STAT6: variants seen among roughly 807,000 people sequenced by gnomAD.
The protein encoded by STAT6 is signal transducer and activator of transcription 6.
In STAT6, 45 loss-of-function variants were observed where a neutral mutation model predicts 106.3. That is an observed-to-expected ratio of 0.42 (90% CI 0.33 to 0.54). The LOEUF (loss-of-function observed/expected upper bound fraction) is 0.54, where lower values mean the gene tolerates loss of function less well. STAT6 is among the 20% of genes least tolerant of loss of function. The pLI is 0.06. For missense variants in STAT6, 797 were observed against 1,062.2 expected (o/e 0.75, Z 3.47); for synonymous variants, 413 against 413.6 (o/e 1.00, Z 0.02).
Position 57,107,598 on chromosome 12 carries a change from G to T in STAT6, c.255+7C>A. 6.2e-7 allele frequency: 1 copy of T among 1,611,098 alleles called. No homozygotes were observed. The highest frequency in any genetic ancestry group is 1.3e-5 in the African/African-American group (1 of 74,484). ...ACCCAGCCTTGTCCCCTCCCCTCCTGCCCCACCTCAAGGGTGCTGATGTGT... is the reference window on the plus strand; with the variant it reads ...ACCCAGCCTTGTCCCCTCCCCTCCTTCCCCACCTCAAGGGTGCTGATGTGT... On this transcript the variant is annotated splice_region_variant and intron_variant, in intron 3 of 21. Coordinates refer to ENST00000300134, the MANE Select transcript of STAT6 (RefSeq NM_003153.5).
rs2033674912 is a variant in STAT6 at position 57,099,470 on chromosome 12, T to G, written c.1745-30A>C. ...GGTAGGAAGGAGACCCTGAGATCCCTCTGTCCGGACTTTCTTCCCCTTCCC... is the reference window on the plus strand; with the variant it reads ...GGTAGGAAGGAGACCCTGAGATCCCGCTGTCCGGACTTTCTTCCCCTTCCC... On this transcript the variant is annotated intron_variant, in intron 15 of 21. Transcript: ENST00000300134. The surrounding 1 kb of genome is among the most constrained non-coding windows in gnomAD (Gnocchi z 4.7). 3.1e-6 allele frequency: 5 copies of G among 1,613,782 alleles called. No individual in the cohort carries two copies. Among genetic ancestry groups the G allele is most frequent in the Admixed American group, 3.3e-5 (2 of 60,000 alleles).
rs1677794250 is a variant in STAT6 at position 57,099,638 on chromosome 12, G to A, written c.1744+129C>T. 2 of 1,441,752 alleles carry A rather than the reference G, an allele frequency of 1.4e-6. No individual in the cohort carries two copies. The highest frequency in any genetic ancestry group is 2.6e-5 in the South Asian group (2 of 76,056). The allele number at this position is 1,441,752 out of a possible 1,614,324, so 89.3% of individuals were successfully genotyped here. A position where few individuals can be genotyped will look rare whatever the true frequency, so the allele number is the denominator to read the frequency against. Reference sequence around the variant, plus strand: ...AAGGTGAACATTTAGACCACAGAAGGAAGAAGAGAAGCTGGAAGAACTTCC... The same window carrying A: ...AAGGTGAACATTTAGACCACAGAAGAAAGAAGAGAAGCTGGAAGAACTTCC... On this transcript the variant is annotated intron_variant, in intron 15 of 21. Transcript: ENST00000300134. This position sits in a 1 kb window ranked among gnomAD's most constrained non-coding sequence, Gnocchi z 4.7.
chr12:57,098,461 C>T, intron 19 of STAT6, 44 bp downstream of exon 19: 1 of 1,582,500 alleles, frequency 6.3e-7, no homozygotes, highest in Non-Finnish European at 8.7e-7. Context: ...CAAATGCCCA[C>T]CCCCTTAGAG....
At chr12:57,104,845 C>A in intron 9 of STAT6, 32 bp from the exon 10 acceptor site, 1 of 1,612,346 alleles carries the variant, frequency 6.2e-7, no homozygotes. Flanking sequence ...TGAACGAGCT[C>A]ATCTCACTGT....
intron 4 of STAT6, among the ~76,000 whole-genome samples, 183 bp downstream of exon 4, chr12:57,107,047 TC>T (rs1322467616): frequency 6.6e-6 from 1 of 152,194 alleles, no homozygotes; most frequent in East Asian, 1.9e-4. Context: ...TTACCTTCAG[TC>T]CCTCATAGAA....
Position 57,099,111 on chromosome 12 carries a change from G to T in STAT6, c.1892-33C>A. On this transcript the variant is annotated intron_variant, in intron 16 of 21. Transcript: ENST00000300134. This position sits in a 1 kb window ranked among gnomAD's most constrained non-coding sequence, Gnocchi z 4.7. ...GAGAAGGAAAAGACAGCCATGGAGTGCTCTGGGGTTAGGGAGGAAGGGAGG... is the reference window on the plus strand; with the variant it reads ...GAGAAGGAAAAGACAGCCATGGAGTTCTCTGGGGTTAGGGAGGAAGGGAGG... 6.2e-7 allele frequency: 1 copy of T among 1,613,316 alleles called. No individual in the cohort carries two copies. The highest frequency in any genetic ancestry group is 8.5e-7 in the Non-Finnish European group (1 of 1,179,514).
rs752282492 is a variant in STAT6, at chr12:57,102,311, C to A, written c.1491G>T (p.Val497=). 5.0e-6 allele frequency: 8 copies of A among 1,614,120 alleles called. No individual in the cohort carries two copies. The highest frequency in any genetic ancestry group is 6.8e-6 in the Non-Finnish European group (8 of 1,180,024). Residue 497 remains valine (V), a synonymous_variant, in exon 13 of 22, where the codon GTG becomes GTT. Coordinates refer to ENST00000300134, the MANE Select transcript of STAT6 (RefSeq NM_003153.5). ...TGACCTTGTTGAACTGCGACCAGGA[C>A]ACAGAACGGTGCTGGAAGGCCTCCA... is the stretch of plus-strand genomic sequence containing the variant. The part of the protein sequence containing the change: ...LSMEAFQHRS[V]SWSQFNKEIL...
intron 5 of STAT6, 24 bp from the exon 6 acceptor site, chr12:57,106,604 A>ACTGAGGGTT (rs757724787): frequency 6.2e-7 from 1 of 1,614,100 alleles, no homozygotes; most frequent in Middle Eastern, 1.6e-4. Context: ...GCAGAAATCA[A>ACTGAGGGTT]GGGTGCAGAC....
rs1315034779 is a variant in STAT6, at chr12:57,099,818, C to T, written c.1693G>A (p.Asp565Asn). 1.2e-6 allele frequency: 2 copies of T among 1,614,084 alleles called. No individual in the cohort carries two copies. The highest frequency in any genetic ancestry group is 1.7e-5 in the Admixed American group (1 of 60,008). Residue 565 changes from aspartate to asparagine, a missense_variant, in exon 15 of 22, where the codon GAC (aspartate) becomes AAC (asparagine). Around this residue, in one of 4 missense-constraint regions of STAT6, gnomAD observed 222 missense variants for 354.6 expected, o/e 0.63. Coordinates refer to ENST00000300134, the MANE Select transcript of STAT6 (RefSeq NM_003153.5). The surrounding 1 kb of genome is among the most constrained non-coding windows in gnomAD (Gnocchi z 4.7). ...PDGTFLLRFSDSEIGGITIAH... is the reference protein window; with the variant it reads ...PDGTFLLRFSNSEIGGITIAH... The stretch of plus-strand genomic sequence containing the variant: ...ATGGTGATGCCCCCAATCTCTGAGT[C>T]GCTGAAGCGGAGGAGAAAGGTTCCG...
intron 13 of STAT6, among the ~76,000 whole-genome samples, chr12:57,101,094 T>C (rs1360332343): frequency 6.6e-6 from 1 of 151,738 alleles, no homozygotes; most frequent in Non-Finnish European, 1.5e-5. Context: ...TCTTTCTTTC[T>C]TTCTTTTTTT....
chr12:57,100,673 AAAG>A (rs1248914950), intron 13 of STAT6, among the ~76,000 whole-genome samples: 17 of 67,058 alleles, frequency 2.5e-4, no homozygotes, highest in African/African-American at 1.0e-3. Context: ...AGAAAGAAAG[AAAG>A]AAAGAAAGAA....
At chr12:57,104,679 A>T in intron 10 of STAT6, 47 bp downstream of exon 10, 1 of 1,613,702 alleles carries the variant, frequency 6.2e-7, no homozygotes, top group Non-Finnish European at 8.5e-7. Flanking sequence ...GGAGAGTCCC[A>T]CAGTCTCCTA....
Position 57,095,684 on chromosome 12 carries a change from C to CA in STAT6, c.*887dup. 6.6e-6 allele frequency: 1 copy of CA among 152,372 alleles called. No homozygotes were observed. Among genetic ancestry groups the CA allele is most frequent in the East Asian group, 1.9e-4 (1 of 5,184 alleles). The allele number at this position is 152,372 out of a possible 1,614,324, so 9.4% of individuals were successfully genotyped here. On this transcript the variant is annotated 3_prime_UTR_variant, in exon 22 of 22. Coordinates refer to ENST00000300134, the MANE Select transcript of STAT6 (RefSeq NM_003153.5). ...CGTAGATGTCACAGCCACTTGGACC[C>CA]ACTTGGGCACAGTCAGACTCCAAAT...
Position 57,099,307 on chromosome 12 carries a change from C to T in STAT6, c.1878G>A (p.Arg626=), listed in dbSNP as rs2033665139. ...GTTCCAGCTCACGCTTGTAGTGGCT[C>T]CGGAAAGCCTCATCCTTGGGCTTCT... ...YPKKPKDEAF[R]SHYKPEQMGK... is the part of the protein sequence containing the mutation. The change falls in exon 16 of 22, where the codon CGG becomes CGA. Residue 626 remains arginine (R), a synonymous_variant. Coordinates refer to ENST00000300134, the MANE Select transcript of STAT6 (RefSeq NM_003153.5). This position sits in a 1 kb window ranked among gnomAD's most constrained non-coding sequence, Gnocchi z 4.7. 6.2e-7 allele frequency: 1 copy of T among 1,614,010 alleles called. No individual in the cohort carries two copies. The highest frequency in any genetic ancestry group is 1.7e-5 in the Admixed American group (1 of 60,008).
At chr12:57,100,357 AGTCCAAAAAC>A (rs1565683517) in intron 13 of STAT6, among the ~76,000 whole-genome samples, 1 of 152,194 alleles carries the variant, frequency 6.6e-6, no homozygotes, top group Non-Finnish European at 1.5e-5. Context: ...AAGAAATGGA[AGTCCAAAAAC>A]GTCGAATGAC....
rs779953119 is a variant in STAT6, at chr12:57,102,508, G to C, written c.1306-12C>G. Reference sequence around the variant, plus strand: ...AAGGGCACGCGGTCCTGGGGAGAAGGGGGAAGAAGAGAGCACTGCAGGCTA... The same window carrying C: ...AAGGGCACGCGGTCCTGGGGAGAAGCGGGAAGAAGAGAGCACTGCAGGCTA... On this transcript the variant is annotated splice_polypyrimidine_tract_variant and intron_variant, in intron 12 of 21. Coordinates refer to ENST00000300134, the MANE Select transcript of STAT6 (RefSeq NM_003153.5). 8.1e-6 allele frequency: 13 copies of C among 1,612,502 alleles called. No homozygotes were observed. The highest frequency in any genetic ancestry group is 8.5e-6 in the Non-Finnish European group (10 of 1,179,832).
rs1328431607 is a variant in STAT6, at chr12:57,099,205, G to A, written c.1891+89C>T. On this transcript the variant is annotated intron_variant, in intron 16 of 21. Transcript: ENST00000300134. The surrounding 1 kb of genome is among the most constrained non-coding windows in gnomAD (Gnocchi z 4.7). The stretch of plus-strand genomic sequence containing the variant: ...GCTATGAAATAGGGAGTGACATCAG[G>A]ATGACACGCGGGCAGGGAGAGGAGG... 6.3e-7 allele frequency: 1 copy of A among 1,599,190 alleles called. No homozygotes were observed.
In STAT6 at chr12:57,104,164, T is replaced by A. The variant is rs553737011; in HGVS notation, c.1212+300A>T. 6 of 382,880 alleles carry A rather than the reference T, an allele frequency of 1.6e-5. No individual in the cohort carries two copies. In the East Asian group the frequency reaches 1.6e-4, roughly 10 times the overall value. The allele number at this position is 382,880 out of a possible 1,614,324, so 23.7% of individuals were successfully genotyped here. A position where few individuals can be genotyped will look rare whatever the true frequency, so the allele number is the denominator to read the frequency against. On this transcript the variant is annotated intron_variant, in intron 11 of 21. Transcript: ENST00000300134. ...GAGGCTGATAATACTGCCTACCTCA[T>A]AATGTTATTGTGAAAACCAGACGTG...
At chr12:57,107,037 T>C (rs183203229) in intron 4 of STAT6, among the ~76,000 whole-genome samples, 194 bp downstream of exon 4, 3 of 152,336 alleles carry the variant, frequency 2.0e-5, no homozygotes, top group East Asian at 3.9e-4. Flanking sequence ...CCCCGGCCTC[T>C]TACCTTCAGT....
Sources: allele counts gnomAD v4.1 joint callset (sites outside exome capture counted in the v4.1 genomes callset), GRCh38; gene constraint gnomAD v4.1.1; regional missense constraint gnomAD v4.1.1; non-coding constraint Gnocchi (gnomAD v3.1); transcripts MANE v1.5; gene names NCBI Gene and HGNC (gene_info 2026-07-23, HGNC 2026-07-21).